Variants in ERC1 observed in about 807,000 individuals in gnomAD.
The protein encoded by ERC1 is ELKS/RAB6-interacting/CAST family member 1.
ERC1 carries 56 observed loss-of-function variants against 132.0 expected under a neutral mutation model. That is an observed-to-expected ratio of 0.42 (90% CI 0.34 to 0.53). The LOEUF (loss-of-function observed/expected upper bound fraction) is 0.53. Among genes scored for constraint, ERC1 ranks in the 20% least tolerant of loss-of-function variants. The pLI is 0.03. For synonymous variants in ERC1, 478 were observed against 476.1 expected (o/e 1.00, Z -0.05); for missense variants, 1,202 against 1,349.9 (o/e 0.89, Z 1.72).
Position 996,249 on chromosome 12 carries a change from CTTTTTTTTTT to C in ERC1, c.-157+4944_-157+4953del, listed in dbSNP as rs35403554. On this transcript the variant is annotated intron_variant, in intron 1 of 18. Transcript: ENST00000360905. ...TACAGGTGCCCGCCACCATGCCTGG[CTTTTTTTTTT>C]TTTTTTTTTTTTTTTTGTATTTTTA... Among the ~76,000 whole-genome samples the C allele has an allele frequency of 4.3e-4, 19 of 43,766 alleles. 1 individual carries two copies. The South Asian group carries it at 0.013, about 29-fold the overall frequency. The allele number at this position is 43,766 out of a possible 152,430, so 28.7% of individuals were successfully genotyped here. A position where few individuals can be genotyped will look rare whatever the true frequency, so the allele number is the denominator to read the frequency against.
At chr12:1,311,558 G>A (rs1364436320) in intron 15 of ERC1, among the ~76,000 whole-genome samples, 7 of 152,014 alleles carry the variant, frequency 4.6e-5, no homozygotes, top group Admixed American at 3.9e-4. Flanking sequence ...CTATTAATGG[G>A]GACCTTTTTT....
intron 15 of ERC1, among the ~76,000 whole-genome samples, chr12:1,330,139 T>A (rs1272469618): frequency 3.9e-5 from 6 of 152,332 alleles, no homozygotes; most frequent in African/African-American, 1.4e-4. Flanking sequence ...TTTATTTTCT[T>A]CTGTGAAATG....
At chr12:1,003,217 A>G (rs897919559) in intron 1 of ERC1, among the ~76,000 whole-genome samples, 1 of 151,916 alleles carries the variant, frequency 6.6e-6, no homozygotes, top group African/African-American at 2.4e-5. Context: ...GTAATGAGGA[A>G]TCTTTGACTA....
chr12:1,154,219 A>ATGTG (rs1951109498), intron 8 of ERC1, among the ~76,000 whole-genome samples: 5 of 59,360 alleles, frequency 8.4e-5, no homozygotes, highest in African/African-American at 6.7e-4. Flanking sequence ...GTGTGTATGT[A>ATGTG]TATGTATATG....
intron 15 of ERC1, among the ~76,000 whole-genome samples, chr12:1,293,491 T>C (rs369970566): frequency 0.011 from 1,362 of 118,588 alleles, 157 homozygotes; most frequent in African/African-American, 0.039. Context: ...TAGCCAGGCG[T>C]GGTGGCGTGC....
chr12:1,171,729 G>T (rs1244874420), intron 8 of ERC1, among the ~76,000 whole-genome samples: 1 of 152,192 alleles, frequency 6.6e-6, no homozygotes, highest in African/African-American at 2.4e-5. Context: ...ACTGCAAGAA[G>T]TGTTTTGAGC....
At chr12:1,411,719 G>T (rs1463941851) in intron 17 of ERC1, among the ~76,000 whole-genome samples, 1 of 152,144 alleles carries the variant, frequency 6.6e-6, no homozygotes, top group African/African-American at 2.4e-5. Context: ...TTAGAAATGA[G>T]CATGCCCCTA....
chr12:1,021,714 A>G (rs1966408755), intron 1 of ERC1, among the ~76,000 whole-genome samples: 1 of 151,754 alleles, frequency 6.6e-6, no homozygotes, highest in African/African-American at 2.4e-5. Flanking sequence ...AAAAAAAAAA[A>G]AGTGGTGGAT....
intron 11 of ERC1, among the ~76,000 whole-genome samples, chr12:1,184,725 A>G (rs1954877352): frequency 6.6e-6 from 1 of 152,222 alleles, no homozygotes; most frequent in Admixed American, 6.5e-5. Context: ...TTGAAACTCA[A>G]CTTTTGAGAT....
chr12:1,270,186 C>A (rs542721318), intron 14 of ERC1, among the ~76,000 whole-genome samples: 11 of 151,920 alleles, frequency 7.2e-5, no homozygotes. Context: ...TGAAACATAC[C>A]GATAGAATTG....
intron 16 of ERC1, among the ~76,000 whole-genome samples, chr12:1,400,145 T>A (rs1352830436): frequency 1.3e-5 from 2 of 152,240 alleles, no homozygotes; most frequent in Non-Finnish European, 2.9e-5. Flanking sequence ...CCGTTGTTCC[T>A]GTAGATCACT....
intron 7 of ERC1, among the ~76,000 whole-genome samples, chr12:1,125,832 A>G (rs905470516): frequency 6.6e-6 from 1 of 152,230 alleles, no homozygotes; most frequent in African/African-American, 2.4e-5. Flanking sequence ...AAACAAACAA[A>G]AAAAACAAAC....
intron 16 of ERC1, among the ~76,000 whole-genome samples, chr12:1,373,045 G>A (rs946289215): frequency 6.6e-6 from 1 of 152,150 alleles, no homozygotes; most frequent in African/African-American, 2.4e-5. Context: ...AGGATGGATA[G>A]TTGACCAGCA....
chr12:1,418,526 T>C (rs1024665494), intron 17 of ERC1, among the ~76,000 whole-genome samples: 1 of 152,214 alleles, frequency 6.6e-6, no homozygotes, highest in Non-Finnish European at 1.5e-5. Flanking sequence ...CTGTCTCCTC[T>C]TCATCATACA....
At chr12:1,169,973 T>A (rs1000062835) in intron 8 of ERC1, among the ~76,000 whole-genome samples, 1 of 152,206 alleles carries the variant, frequency 6.6e-6, no homozygotes, top group African/African-American at 2.4e-5. Context: ...GAATCTCCTT[T>A]TGCTAAGATT....
Position 1,138,158 on chromosome 12 carries a change from A to ATAT in ERC1, c.1570-3462_1570-3461insTAT, listed in dbSNP as rs1805301881. On this transcript the variant is annotated intron_variant, in intron 7 of 18. Coordinates refer to ENST00000360905, the MANE Select transcript of ERC1 (RefSeq NM_178040.4). ...ATAATATAATTATATTTATTTACAT[A>ATAT]ATATATATAATTGTATATAATATAT... is the stretch of plus-strand genomic sequence containing the variant. 3.6e-4 allele frequency among the ~76,000 whole-genome samples: 32 copies of ATAT among 88,054 alleles called. No individual in the cohort carries two copies. The South Asian group carries it at 8.6e-3, about 24-fold the overall frequency. The allele number at this position is 88,054 out of a possible 152,430, so 57.8% of individuals were successfully genotyped here.
chr12:1,253,889 T>C (rs1402040728), intron 13 of ERC1, among the ~76,000 whole-genome samples: 1 of 152,218 alleles, frequency 6.6e-6, no homozygotes, highest in Admixed American at 6.5e-5. Flanking sequence ...TCTTTGAATA[T>C]AGGAGTCTTC....
chr12:1,276,504 G>A (rs1161617620), intron 14 of ERC1, among the ~76,000 whole-genome samples: 2 of 151,630 alleles, frequency 1.3e-5, no homozygotes, highest in African/African-American at 4.8e-5. Flanking sequence ...CCTCCCAAAT[G>A]CTGGGATTAC....
chr12:1,471,675 T>C (rs1395025046), intron 18 of ERC1, among the ~76,000 whole-genome samples: 1 of 152,250 alleles, frequency 6.6e-6, no homozygotes, highest in Non-Finnish European at 1.5e-5. Context: ...CTGGGGTTAC[T>C]TGGTCTCTCA....
Sources: allele counts gnomAD v4.1 joint callset (sites outside exome capture counted in the v4.1 genomes callset), GRCh38; gene constraint gnomAD v4.1.1; transcripts MANE v1.5; gene names NCBI Gene and HGNC (gene_info 2026-07-23, HGNC 2026-07-21).